PRDM16: variants seen among roughly 807,000 people sequenced by gnomAD.
PRDM16 encodes the protein histone-lysine N-methyltransferase PRDM16.
In PRDM16, 23 loss-of-function variants were observed where a neutral mutation model predicts 110.6. The ratio of observed to expected loss-of-function variants is 0.21; its 90% CI spans 0.15 to 0.29. The LOEUF is 0.29. Ranked by LOEUF, PRDM16 falls within the 10% of genes least tolerant of loss-of-function variation. PRDM16 has a pLI of 1.00. For missense variants in PRDM16, 1,615 were observed against 1,794.3 expected (o/e 0.90, Z 1.81); for synonymous variants, 799 against 781.8 (o/e 1.02, Z -0.37).
chr1:3,144,715 C>A (rs12737832), intron 1 of PRDM16, among the ~76,000 whole-genome samples: 1 of 152,222 alleles, frequency 6.6e-6, no homozygotes, highest in South Asian at 2.1e-4. Flanking sequence ...TGCACCCAGC[C>A]GCCCAGCTCA....
At chr1:3,422,526 C>T (rs1638469110) in intron 12 of PRDM16, among the ~76,000 whole-genome samples, 1 of 152,242 alleles carries the variant, frequency 6.6e-6, no homozygotes, top group Admixed American at 6.5e-5. Flanking sequence ...ACGCAGAGTC[C>T]AGTGTGTCCT....
Position 3,412,696 on chromosome 1 carries a change from G to T in PRDM16, c.2499G>T (p.Leu833=). ...RKNHVYGERK[L]GAGEGLPQVC... ...ACCACGTCTATGGGGAACGCAAGCT[G>T]GGCGCCGGCGAGGGGCTGCCCCAGG... The change falls in exon 9 of 17, where the codon CTG becomes CTT. Residue 833 remains leucine (L), a synonymous_variant. Transcript: ENST00000270722. The T allele has an allele frequency of 6.7e-7, 1 of 1,494,568 alleles. No homozygotes were observed. The allele number at this position is 1,494,568 out of a possible 1,614,324, so 92.6% of individuals were successfully genotyped here. A position where few individuals can be genotyped will look rare whatever the true frequency, so the allele number is the denominator to read the frequency against.
At chr1:3,258,640 G>C (rs1640098407) in intron 3 of PRDM16, among the ~76,000 whole-genome samples, 1 of 152,266 alleles carries the variant, frequency 6.6e-6, no homozygotes, top group Non-Finnish European at 1.5e-5. Flanking sequence ...ATTAGCCACA[G>C]AAATGTTTGC....
chr1:3,184,886 C>T (rs551355763), intron 1 of PRDM16, among the ~76,000 whole-genome samples: 1 of 152,108 alleles, frequency 6.6e-6, no homozygotes, highest in Non-Finnish European at 1.5e-5. Context: ...CCGCCCTCCT[C>T]CTTGGGGAGG....
At chr1:3,354,045 TG>T (rs1389145477) in intron 3 of PRDM16, among the ~76,000 whole-genome samples, 1 of 152,210 alleles carries the variant, frequency 6.6e-6, no homozygotes, top group Non-Finnish European at 1.5e-5. Flanking sequence ...AACCGGGTCC[TG>T]GTCCAGGCAC....
intron 3 of PRDM16, among the ~76,000 whole-genome samples, chr1:3,285,271 T>G (rs1014524753): frequency 6.6e-6 from 1 of 152,078 alleles, no homozygotes; most frequent in African/African-American, 2.4e-5. Context: ...CCCCTGCCTC[T>G]CCCCTCCAGC....
intron 2 of PRDM16, among the ~76,000 whole-genome samples, chr1:3,239,979 GAAAGA>G (rs569201426): frequency 1.4e-3 from 197 of 145,800 alleles, no homozygotes; most frequent in African/African-American, 4.6e-3. Flanking sequence ...AAGAAAGAAA[GAAAGA>G]AAAGAAAAGA....
At chr1:3,375,078 A>C (rs1642969117) in intron 3 of PRDM16, among the ~76,000 whole-genome samples, 1 of 152,234 alleles carries the variant, frequency 6.6e-6, no homozygotes, top group Admixed American at 6.5e-5. Flanking sequence ...GCTGGAAAGC[A>C]GAAAAGAGGC....
chr1:3,410,257 C>G (rs563229730), intron 8 of PRDM16, among the ~76,000 whole-genome samples: 1 of 152,106 alleles, frequency 6.6e-6, no homozygotes, highest in Non-Finnish European at 1.5e-5. Flanking sequence ...CAACCGTTCA[C>G]AGGCCTTTAG....
rs115317362 is a variant in PRDM16, at chr1:3,356,658, C to T, written c.439-28494C>T. On this transcript the variant is annotated intron_variant, in intron 3 of 16. Coordinates refer to ENST00000270722, the MANE Select transcript of PRDM16 (RefSeq NM_022114.4). Reference sequence around the variant, plus strand: ...TAGATGATCTTAGCCTGCCCCAGAGCGGCCCCAGGAGGAGGCACTGTCTCT... The same window carrying T: ...TAGATGATCTTAGCCTGCCCCAGAGTGGCCCCAGGAGGAGGCACTGTCTCT... Among the ~76,000 whole-genome samples, 1,081 of 152,302 alleles carry T rather than the reference C, an allele frequency of 7.1e-3. 18 individuals carry two copies. The highest frequency in any genetic ancestry group is 0.025 in the African/African-American group (1,020 of 41,566).
At chr1:3,414,491 C>G in intron 9 of PRDM16, 69 bp from the exon 10 acceptor site, 2 of 1,257,076 alleles carry the variant, frequency 1.6e-6, no homozygotes. Flanking sequence ...GTGGGCGGCT[C>G]TGTGGAGCGG....
chr1:3,276,719 G>GGGGTGCCGTGAACAGAGCCAGCGA (rs1166189586), intron 3 of PRDM16, among the ~76,000 whole-genome samples: 1 of 132,754 alleles, frequency 7.5e-6, no homozygotes, highest in East Asian at 1.9e-4. Context: ...GAGCCAGCGA[G>GGGGTGCCGTGAACAGAGCCAGCGA]GGGTGCCTGT....
intron 1 of PRDM16, among the ~76,000 whole-genome samples, chr1:3,166,341 A>G (rs1643955961): frequency 6.6e-6 from 1 of 152,236 alleles, no homozygotes; most frequent in Non-Finnish European, 1.5e-5. Flanking sequence ...GCCAGGTGCC[A>G]CAGGCCAGGC....
intron 3 of PRDM16, among the ~76,000 whole-genome samples, chr1:3,254,520 A>G (rs945569437): frequency 5.5e-5 from 8 of 144,662 alleles, no homozygotes; most frequent in Admixed American, 5.4e-4. Flanking sequence ...CCAATAACAG[A>G]CAGAGAGCCA....
chr1:3,201,822 G>A lies in PRDM16; in HGVS notation c.387+15348G>A, dbSNP rs951466932. On this transcript the variant is annotated intron_variant, in intron 2 of 16. Coordinates refer to ENST00000270722, the MANE Select transcript of PRDM16 (RefSeq NM_022114.4). The surrounding 1 kb of genome is among the most constrained non-coding windows in gnomAD (Gnocchi z 4.1). ...TTTCTACCTCGGGTTGGTGTCTCCCGCCCACTTCTGTGTCCACTGCAGAGC... is the reference window on the plus strand; with the variant it reads ...TTTCTACCTCGGGTTGGTGTCTCCCACCCACTTCTGTGTCCACTGCAGAGC... 3.3e-5 allele frequency among the ~76,000 whole-genome samples: 5 copies of A among 152,140 alleles called. No individual in the cohort carries two copies. The highest frequency in any genetic ancestry group is 5.9e-5 in the Non-Finnish European group (4 of 68,016).
chr1:3,087,450 T>C (rs2981883), intron 1 of PRDM16, among the ~76,000 whole-genome samples: 44,236 of 152,192 alleles, frequency 0.29, 6,733 homozygotes, highest in Middle Eastern at 0.35. Flanking sequence ...CAGGAAGTTG[T>C]TCCTGCCTTG....
chr1:3,294,652 C>T (rs867961720), intron 3 of PRDM16, among the ~76,000 whole-genome samples: 19 of 152,286 alleles, frequency 1.2e-4, no homozygotes, highest in South Asian at 6.2e-4. Context: ...CCCCTTCAGC[C>T]AGCGCCATCC....
At position 3,321,453 on chromosome 1, in the gene PRDM16, G is replaced by C. The variant is rs529369528; in HGVS notation, c.439-63699G>C. The stretch of plus-strand genomic sequence containing the variant: ...GGGTGCACATGTGTTTGTGTTTGTG[G>C]GGGGCACATGTGTGAAGGGTACATA... On this transcript the variant is annotated intron_variant, in intron 3 of 16. Coordinates refer to ENST00000270722, the MANE Select transcript of PRDM16 (RefSeq NM_022114.4). Among the ~76,000 whole-genome samples the C allele has an allele frequency of 6.6e-5, 10 of 150,870 alleles. No individual in the cohort carries two copies. The East Asian group carries it at 2.0e-3, about 30-fold the overall frequency.
chr1:3,190,674 G>C lies in PRDM16; in HGVS notation c.387+4200G>C, dbSNP rs1459136769. On this transcript the variant is annotated intron_variant, in intron 2 of 16. Transcript: ENST00000270722. This position sits in a 1 kb window ranked among gnomAD's most constrained non-coding sequence, Gnocchi z 5.0. ...CGAAATTCCTGGCCTCCTCCATCTG[G>C]ACACAGCCGGGCTCAGTCTCTTCCC... 6.6e-6 allele frequency among the ~76,000 whole-genome samples: 1 copy of C among 152,108 alleles called. No homozygotes were observed. Among genetic ancestry groups the C allele is most frequent in the Non-Finnish European group, 1.5e-5 (1 of 68,020 alleles).
Sources: allele counts gnomAD v4.1 joint callset (sites outside exome capture counted in the v4.1 genomes callset), GRCh38; gene constraint gnomAD v4.1.1; non-coding constraint Gnocchi (gnomAD v3.1); transcripts MANE v1.5; gene names NCBI Gene and HGNC (gene_info 2026-07-23, HGNC 2026-07-21).